Variants in PPFIA2 observed in about 807,000 individuals in gnomAD.
PPFIA2 encodes the protein PPFI scaffold protein A2, also known as liprin-alpha-2.
A neutral mutation model predicts 175.5 loss-of-function variants in PPFIA2; 46 were observed. The observed-to-expected ratio is 0.26, with a 90% CI of 0.21 to 0.34. The LOEUF (loss-of-function observed/expected upper bound fraction) is 0.34. Ranked by LOEUF, PPFIA2 falls within the 10% of genes least tolerant of loss-of-function variation. The pLI is 1.00. For missense variants in PPFIA2, 1,179 were observed against 1,506.1 expected (o/e 0.78, Z 3.60); for synonymous variants, 568 against 511.4 (o/e 1.11, Z -1.49).
At chr12:81,614,294 A>G (rs1291712862) in intron 4 of PPFIA2, among the ~76,000 whole-genome samples, 4 of 152,144 alleles carry the variant, frequency 2.6e-5, no homozygotes, top group Admixed American at 6.5e-5. Context: ...TCTTCAATGT[A>G]TGCTTTAGCA....
At chr12:81,417,154 G>C (rs1431472759) in intron 7 of PPFIA2, 3 of 151,462 alleles carry the variant, frequency 2.0e-5, no homozygotes, top group Non-Finnish European at 4.4e-5. Flanking sequence ...TTTGCTTTCG[G>C]GAATATTTGG....
chr12:81,379,814 G>A (rs1022945136), intron 9 of PPFIA2, among the ~76,000 whole-genome samples: 1 of 152,154 alleles, frequency 6.6e-6, no homozygotes, highest in Admixed American at 6.6e-5. Context: ...GAAGCCATCA[G>A]TGGAACATAT....
intron 23 of PPFIA2, among the ~76,000 whole-genome samples, chr12:81,298,820 C>T (rs1039395922): frequency 2.6e-5 from 4 of 152,124 alleles, no homozygotes; most frequent in Non-Finnish European, 2.9e-5. Context: ...TCTGTTTAAT[C>T]CCAAGTGTCT....
intron 28 of PPFIA2, among the ~76,000 whole-genome samples, chr12:81,275,580 T>C (rs1377729357): frequency 6.6e-6 from 1 of 152,162 alleles, no homozygotes; most frequent in African/African-American, 2.4e-5. Flanking sequence ...AATTAAGCCT[T>C]AAAAGAAGTG....
At chr12:81,673,268 A>T (rs1455213001) in intron 4 of PPFIA2, among the ~76,000 whole-genome samples, 1 of 152,066 alleles carries the variant, frequency 6.6e-6, no homozygotes, top group Non-Finnish European at 1.5e-5. Context: ...TGCTTTACAG[A>T]TACATAACAG....
At chr12:81,332,764 C>T (rs1269740408) in intron 21 of PPFIA2, among the ~76,000 whole-genome samples, 2 of 152,086 alleles carry the variant, frequency 1.3e-5, no homozygotes, top group Non-Finnish European at 1.5e-5. Flanking sequence ...TCCGGATCAT[C>T]AGACCAGGAA....
In PPFIA2 at chr12:81,284,416, T is replaced by A. The variant is rs11835644; in HGVS notation, c.2926-113A>T. The A allele has an allele frequency of 7.0e-4, 537 of 763,942 alleles. No homozygotes were observed. The African/African-American group carries it at 8.3e-3, about 12-fold the overall frequency. The allele number at this position is 763,942 out of a possible 1,614,324, so 47.3% of individuals were successfully genotyped here. On this transcript the variant is annotated intron_variant, in intron 24 of 32. Transcript: ENST00000549396. ...GCAACACAGCAATACCACAGTGCCC[T>A]TGCCCCTACCGTGTGCATGAAAGAG... is the stretch of plus-strand genomic sequence containing the variant.
At chr12:81,665,796 G>A (rs1414581345) in intron 4 of PPFIA2, among the ~76,000 whole-genome samples, 1 of 151,960 alleles carries the variant, frequency 6.6e-6, no homozygotes, top group Admixed American at 6.6e-5. Context: ...CTTCTGCACA[G>A]CAAAAGAAAC....
intron 16 of PPFIA2, among the ~76,000 whole-genome samples, chr12:81,356,617 C>T (rs2060892985): frequency 1.3e-5 from 2 of 151,926 alleles, no homozygotes; most frequent in Admixed American, 6.6e-5. Flanking sequence ...GAGCCATGAT[C>T]GTGCCACTGC....
At position 81,749,942 on chromosome 12, in the gene PPFIA2, C is replaced by T. The variant is rs145817693; in HGVS notation, c.249+4031G>A. On this transcript the variant is annotated intron_variant, in intron 3 of 32. Transcript: ENST00000549396. ...TTACTTTAAAAGCCTTTTTTATGGG[C>T]CTAGTACTTTGGCAGTTCAGAGGGT... 1.9e-3 allele frequency among the ~76,000 whole-genome samples: 274 copies of T among 143,762 alleles called. 12 individuals are homozygous for T. The highest frequency in any genetic ancestry group is 6.3e-3 in the African/African-American group (259 of 41,070). The allele number at this position is 143,762 out of a possible 152,430, so 94.3% of individuals were successfully genotyped here. A position where few individuals can be genotyped will look rare whatever the true frequency, so the allele number is the denominator to read the frequency against.
intron 15 of PPFIA2, among the ~76,000 whole-genome samples, chr12:81,361,842 A>G (rs907028611): frequency 4.0e-5 from 6 of 151,594 alleles, no homozygotes; most frequent in Admixed American, 1.3e-4. Context: ...GGAAAGTTTC[A>G]AACGGCTGCT....
At chr12:81,550,765 A>G (rs1594828155) in intron 4 of PPFIA2, among the ~76,000 whole-genome samples, 2 of 152,112 alleles carry the variant, frequency 1.3e-5, no homozygotes, top group East Asian at 3.9e-4. Flanking sequence ...ATGTCAATAA[A>G]GATACAAGGG....
intron 4 of PPFIA2, among the ~76,000 whole-genome samples, chr12:81,649,795 TTG>T (rs2066734364): frequency 6.6e-6 from 1 of 152,140 alleles, no homozygotes; most frequent in Non-Finnish European, 1.5e-5. Context: ...ATAAGTCATA[TTG>T]TGTGATTCCT....
intron 4 of PPFIA2, among the ~76,000 whole-genome samples, chr12:81,473,159 G>A (rs1263702826): frequency 6.6e-6 from 1 of 152,168 alleles, no homozygotes; most frequent in African/African-American, 2.4e-5. Context: ...TGTAATCCCA[G>A]CACTCTGGGG....
chr12:81,684,639 T>C (rs1012468885), intron 3 of PPFIA2, among the ~76,000 whole-genome samples: 6 of 152,132 alleles, frequency 3.9e-5, no homozygotes, highest in Non-Finnish European at 8.8e-5. Context: ...TAAATCTTTA[T>C]AAAATGCCTG....
intron 4 of PPFIA2, among the ~76,000 whole-genome samples, chr12:81,576,567 T>C (rs2073588321): frequency 6.6e-6 from 1 of 151,836 alleles, no homozygotes; most frequent in Non-Finnish European, 1.5e-5. Flanking sequence ...TGTTTTGTTT[T>C]GTTTATTAAT....
intron 3 of PPFIA2, among the ~76,000 whole-genome samples, chr12:81,739,796 T>A (rs929012702): frequency 2.6e-5 from 4 of 152,124 alleles, no homozygotes; most frequent in Non-Finnish European, 5.9e-5. Flanking sequence ...CAAATTCTAA[T>A]CACATAAATT....
chr12:81,614,712 TCTA>T (rs1413605736), intron 4 of PPFIA2, among the ~76,000 whole-genome samples: 1 of 152,188 alleles, frequency 6.6e-6, no homozygotes, highest in Non-Finnish European at 1.5e-5. Context: ...TTGTTTTATT[TCTA>T]CTAAGAGCAA....
At chr12:81,339,155 A>G (rs1318303923) in intron 21 of PPFIA2, 25 bp downstream of exon 21, 1 of 1,504,096 alleles carries the variant, frequency 6.6e-7, no homozygotes, top group Non-Finnish European at 8.9e-7. Context: ...GTGGCAGTGG[A>G]AAGTCTTAAC....
Sources: gnomAD v4.1 joint callset for allele counts (sites outside exome capture counted in the v4.1 genomes callset) on GRCh38, gnomAD v4.1.1 for gene constraint, MANE v1.5 for transcripts, NCBI Gene and HGNC (gene_info 2026-07-23, HGNC 2026-07-21) for gene names.